Variants in GCNT1 observed in about 807,000 individuals in gnomAD.
The protein encoded by GCNT1 is glucosaminyl (N-acetyl) transferase 1.
GCNT1 carries 16 observed loss-of-function variants against 26.2 expected under a neutral mutation model. The ratio of observed to expected loss-of-function variants is 0.61; its 90% CI spans 0.41 to 0.93. The LOEUF is 0.93. GCNT1 is among the 40% of genes least tolerant of loss of function. GCNT1 has a pLI of 0.00. For missense variants in GCNT1, 477 were observed against 526.7 expected (o/e 0.91, Z 0.92); for synonymous variants, 183 against 190.8 (o/e 0.96, Z 0.34).
rs138928250 is a variant in GCNT1, at chr9:76,431,837, C to T, written n.38+11950C>T. Among the ~76,000 whole-genome samples the T allele has an allele frequency of 5.5e-4, 84 of 152,286 alleles. No homozygotes were observed. The East Asian group carries it at 0.016, about 29-fold the overall frequency. On this transcript the variant is annotated intron_variant and non_coding_transcript_variant, in intron 1 of 3. Transcript: ENST00000488136. The stretch of plus-strand genomic sequence containing the variant: ...CCCTTAAGAAATTCCAGGCCAGCCA[C>T]GTTGGCTCATGCCTGTAATTCCTGC...
chr9:76,438,528 C>T (rs1378225321), upstream of GCNT1, among the ~76,000 whole-genome samples: 1 of 152,102 alleles, frequency 6.6e-6, no homozygotes, highest in Non-Finnish European at 1.5e-5. Flanking sequence ...CATATGTGAG[C>T]CTCTCTTCCA....
chr9:76,440,143 C>T (rs181204940), upstream of GCNT1, among the ~76,000 whole-genome samples: 204 of 151,510 alleles, frequency 1.3e-3, 1 homozygote, highest in African/African-American at 4.8e-3. Context: ...AACTAACAAA[C>T]CTTTTGAGGT....
chr9:76,490,036 T>C (rs547773550), intron 2 of GCNT1, among the ~76,000 whole-genome samples: 1 of 152,282 alleles, frequency 6.6e-6, no homozygotes, highest in African/African-American at 2.4e-5. Context: ...CGAAGGCAAG[T>C]AATAGCAAGA....
At chr9:76,438,922 T>C (rs1470886668), upstream of GCNT1, among the ~76,000 whole-genome samples, 1 of 152,228 alleles carries the variant, frequency 6.6e-6, no homozygotes, top group Non-Finnish European at 1.5e-5. Flanking sequence ...TGATAGATAG[T>C]AAGCCGTGTA....
At chr9:76,400,224 T>A in the GCNT1 span, among the ~76,000 whole-genome samples, 1 of 152,220 alleles carries the variant, frequency 6.6e-6, no homozygotes, top group African/African-American at 2.4e-5. Context: ...AACCTAAAAC[T>A]GCTCTAAAAA....
chr9:76,412,253 C>T, the GCNT1 span, among the ~76,000 whole-genome samples: 17,925 of 152,062 alleles, frequency 0.12, 1,165 homozygotes, highest in Middle Eastern at 0.23. Context: ...TGTATATACA[C>T]CCAATCAAAT....
the GCNT1 span, among the ~76,000 whole-genome samples, chr9:76,401,092 A>T: frequency 6.6e-6 from 1 of 152,222 alleles, no homozygotes; most frequent in East Asian, 1.9e-4. Context: ...TATGATGATG[A>T]TTACCTGTTG....
chr9:76,499,268 C>T (rs1031988574), intron 2 of GCNT1, among the ~76,000 whole-genome samples: 2 of 152,066 alleles, frequency 1.3e-5, no homozygotes, highest in Non-Finnish European at 2.9e-5. Flanking sequence ...GCTGGGATTA[C>T]AGGCATGCAC....
At chr9:76,395,864 C>A in the GCNT1 span, among the ~76,000 whole-genome samples, 7 of 152,206 alleles carry the variant, frequency 4.6e-5, no homozygotes, top group East Asian at 1.9e-4. Context: ...GATTCTCTCA[C>A]TCTTGACTCC....
chr9:76,437,357 AC>A (rs1823423553), upstream of GCNT1, among the ~76,000 whole-genome samples: 1 of 152,058 alleles, frequency 6.6e-6, no homozygotes, highest in Non-Finnish European at 1.5e-5. Context: ...AGCCGGCCAA[AC>A]CCCACCAAAA....
chr9:76,428,265 CAAAAAAAA>C (rs869195487), intron 1 of GCNT1, among the ~76,000 whole-genome samples: 1 of 29,774 alleles, frequency 3.4e-5, no homozygotes, highest in African/African-American at 1.0e-4. Context: ...GACTCCGTCT[CAAAAAAAA>C]AAAAAAAAAA....
rs1335472132 is a variant in GCNT1, at chr9:76,421,686, GTTGTTTTTTTTT to G, written n.38+1802_38+1813del. ...TGATGGCAACTCAATTTGTTTGTAG[GTTGTTTTTTTTT>G]TTTTTTTTTTTTTTGGAAATGGTCT... On this transcript the variant is annotated intron_variant and non_coding_transcript_variant, in intron 1 of 3. Coordinates refer to the GCNT1 transcript ENST00000488136. 4.5e-4 allele frequency among the ~76,000 whole-genome samples: 38 copies of G among 84,388 alleles called. 2 individuals are homozygous for G. Among genetic ancestry groups the G allele is most frequent in the African/African-American group, 1.7e-3 (36 of 20,606 alleles). 55.4% of individuals were successfully genotyped at this position (84,388 alleles called of 152,430 possible).
chr9:76,396,356 G>T, the GCNT1 span, among the ~76,000 whole-genome samples: 1 of 152,182 alleles, frequency 6.6e-6, no homozygotes, highest in Non-Finnish European at 1.5e-5. Flanking sequence ...CTGGGAGACC[G>T]AGGTGAGCGG....
chr9:76,413,585 A>G, the GCNT1 span, among the ~76,000 whole-genome samples: 4 of 147,210 alleles, frequency 2.7e-5, no homozygotes, highest in Non-Finnish European at 4.5e-5. Context: ...TTCTTTCAAG[A>G]TATTTCTTTG....
chr9:76,402,133 G>A, the GCNT1 span, among the ~76,000 whole-genome samples: 2 of 152,182 alleles, frequency 1.3e-5, no homozygotes, highest in Non-Finnish European at 2.9e-5. Flanking sequence ...GGGCACCTTT[G>A]TCTTTGTAAA....
the GCNT1 span, chr9:76,394,341 C>T: frequency 2.0e-5 from 11 of 556,422 alleles, no homozygotes; most frequent in Non-Finnish European, 3.3e-5. Context: ...ACTGCGAATC[C>T]CTGACGCCGC....
chr9:76,500,140 AT>A (rs5898481), intron 2 of GCNT1, among the ~76,000 whole-genome samples: 46 of 149,798 alleles, frequency 3.1e-4, no homozygotes, highest in Non-Finnish European at 5.2e-4. Flanking sequence ...ATGCCTTGTA[AT>A]TTTTTTTTTG....
At chr9:76,491,965 T>G (rs1462616398) in intron 2 of GCNT1, among the ~76,000 whole-genome samples, 2 of 152,222 alleles carry the variant, frequency 1.3e-5, no homozygotes, top group Non-Finnish European at 2.9e-5. Context: ...TTGTATTATT[T>G]TGATAGCCTC....
intron 1 of GCNT1, among the ~76,000 whole-genome samples, chr9:76,426,005 A>G (rs745824455): frequency 1.3e-4 from 20 of 152,270 alleles, no homozygotes; most frequent in Non-Finnish European, 2.4e-4. Context: ...CAATTTGGGG[A>G]GGGTCAGAAT....
Sources: allele counts gnomAD v4.1 joint callset (sites outside exome capture counted in the v4.1 genomes callset), GRCh38; gene constraint gnomAD v4.1.1; transcripts MANE v1.5; gene names NCBI Gene and HGNC (gene_info 2026-07-23, HGNC 2026-07-21).